SNAP25: variants seen among roughly 807,000 people sequenced by gnomAD.
SNAP25 encodes synaptosomal-associated protein 25.
In SNAP25, 3 loss-of-function variants were observed where a neutral mutation model predicts 28.7. The observed-to-expected ratio is 0.10, with a 90% CI of 0.05 to 0.27. SNAP25 has a LOEUF of 0.27. SNAP25 is among the 10% of genes least tolerant of loss of function. The probability of loss-of-function intolerance (pLI) is 1.00; values close to 1 mark genes in which losing one functional copy is unlikely to be tolerated. For missense variants in SNAP25, 117 were observed against 278.7 expected, an observed-to-expected ratio of 0.42 and a Z score of 4.13; for synonymous variants, 61 against 88.1, an observed-to-expected ratio of 0.69 and a Z score of 1.72.
intron 2 of SNAP25, 66 bp downstream of exon 2, chr20:10,275,629 T>C: frequency 7.5e-7 from 1 of 1,341,470 alleles, no homozygotes. Flanking sequence ...CTTATTCAGG[T>C]TCAGGTAGGG....
chr20:10,261,393 T>C (rs2063412238), intron 1 of SNAP25, among the ~76,000 whole-genome samples: 1 of 152,182 alleles, frequency 6.6e-6, no homozygotes, highest in East Asian at 1.9e-4. Context: ...ACTCAGAGCC[T>C]CTCTTTGCCA....
chr20:10,223,359 A>G (rs978632313), intron 1 of SNAP25, among the ~76,000 whole-genome samples: 2 of 152,212 alleles, frequency 1.3e-5, no homozygotes, highest in Non-Finnish European at 2.9e-5. Context: ...CAGTGGGTTC[A>G]TGTAGAGGAA....
At chr20:10,266,214 C>T (rs2063503546) in intron 1 of SNAP25, among the ~76,000 whole-genome samples, 1 of 152,120 alleles carries the variant, frequency 6.6e-6, no homozygotes, top group African/African-American at 2.4e-5. Flanking sequence ...TTTCACTCAC[C>T]CTTTCAATGA....
At chr20:10,286,542 CTAG>C (rs2123076667) in intron 4 of SNAP25, among the ~76,000 whole-genome samples, 1 of 152,242 alleles carries the variant, frequency 6.6e-6, no homozygotes, top group Non-Finnish European at 1.5e-5. Context: ...TGTTCTAGCA[CTAG>C]TAGCCCATTG....
At chr20:10,288,151 A>C (rs2063921914) in intron 4 of SNAP25, among the ~76,000 whole-genome samples, 2 of 152,072 alleles carry the variant, frequency 1.3e-5, no homozygotes, top group African/African-American at 4.8e-5. Flanking sequence ...CTAAAACTTA[A>C]AGTATAATAA....
chr20:10,295,542 A>T (rs534931747), intron 5 of SNAP25, among the ~76,000 whole-genome samples: 1 of 152,188 alleles, frequency 6.6e-6, no homozygotes, highest in Non-Finnish European at 1.5e-5. Flanking sequence ...TGATTGTGGG[A>T]GTTGCTGAAA....
intron 1 of SNAP25, among the ~76,000 whole-genome samples, chr20:10,222,824 C>A (rs1000878985): frequency 6.6e-6 from 1 of 152,170 alleles, no homozygotes; most frequent in East Asian, 1.9e-4. Flanking sequence ...CCTACATAGA[C>A]ATATAATTCC....
intron 1 of SNAP25, among the ~76,000 whole-genome samples, chr20:10,267,847 G>A (rs866827962): frequency 2.6e-5 from 4 of 152,152 alleles, no homozygotes; most frequent in African/African-American, 9.7e-5. Flanking sequence ...ACCGTGCCCG[G>A]CCAATAGTCT....
At chr20:10,265,140 T>C (rs2063485939) in intron 1 of SNAP25, among the ~76,000 whole-genome samples, 1 of 152,110 alleles carries the variant, frequency 6.6e-6, no homozygotes, top group Non-Finnish European at 1.5e-5. Flanking sequence ...AAGTAGGAAA[T>C]AGTTTAAAAC....
chr20:10,297,845 G>C (rs2064147217), intron 6 of SNAP25, among the ~76,000 whole-genome samples: 1 of 152,190 alleles, frequency 6.6e-6, no homozygotes, highest in Non-Finnish European at 1.5e-5. Context: ...ACAGAGCAAA[G>C]AAGGTCCAAG....
chr20:10,231,568 C>G (rs1396402176), intron 1 of SNAP25: 4 of 152,202 alleles, frequency 2.6e-5, no homozygotes, highest in Non-Finnish European at 2.9e-5. Flanking sequence ...CAGGAATTCT[C>G]TCAGTCTGTT....
intron 1 of SNAP25, among the ~76,000 whole-genome samples, chr20:10,222,145 AT>A (rs2062646016): frequency 6.6e-6 from 1 of 152,274 alleles, no homozygotes; most frequent in East Asian, 1.9e-4. Context: ...CATGGGAGTT[AT>A]AAAATTTCAT....
intron 1 of SNAP25, among the ~76,000 whole-genome samples, chr20:10,230,900 G>C (rs1014310807): frequency 6.6e-6 from 1 of 152,146 alleles, no homozygotes; most frequent in Non-Finnish European, 1.5e-5. Context: ...GAGGACAAGT[G>C]TGTGGGATGG....
At chr20:10,297,273 T>C (rs189570171) in intron 6 of SNAP25, among the ~76,000 whole-genome samples, 1 of 152,334 alleles carries the variant, frequency 6.6e-6, no homozygotes, top group East Asian at 1.9e-4. Context: ...GTGGGGCATG[T>C]CTGTTCTTCT....
intron 1 of SNAP25, among the ~76,000 whole-genome samples, chr20:10,266,629 G>T (rs577232314): frequency 4.6e-5 from 7 of 152,278 alleles, no homozygotes; most frequent in Admixed American, 2.0e-4. Context: ...TTTGATCAAG[G>T]TTGTGCAATA....
chr20:10,300,305 T>A lies in SNAP25; in HGVS notation c.552+893T>A, dbSNP rs2064204883. On this transcript the variant is annotated intron_variant, in intron 7 of 7. Transcript: ENST00000254976. ...CTACAACACAGAACTCCGACATAAT[T>A]TATATTTCCATGTTTCATGCCCTTT... 2.0e-5 allele frequency among the ~76,000 whole-genome samples: 3 copies of A among 152,152 alleles called. No individual in the cohort carries two copies. The South Asian group carries it at 6.2e-4, about 32-fold the overall frequency.
chr20:10,256,257 C>T (rs1414737840), intron 1 of SNAP25, among the ~76,000 whole-genome samples: 3 of 152,158 alleles, frequency 2.0e-5, no homozygotes, highest in African/African-American at 7.2e-5. Flanking sequence ...AGTCTATCCG[C>T]TATTACGAAG....
chr20:10,284,818 TG>T, intron 4 of SNAP25, 46 bp downstream of exon 4: 2 of 1,496,738 alleles, frequency 1.3e-6, no homozygotes, highest in South Asian at 1.1e-5. Context: ...TTCTGAATAA[TG>T]TGCATTTTAA....
At chr20:10,269,269 C>T (rs1234188217) in intron 1 of SNAP25, among the ~76,000 whole-genome samples, 1 of 152,064 alleles carries the variant, frequency 6.6e-6, no homozygotes, top group East Asian at 1.9e-4. Context: ...ACTAGCCAGA[C>T]ATGGTGTGCA....
Sources: allele counts gnomAD v4.1 joint callset (sites outside exome capture counted in the v4.1 genomes callset), GRCh38; gene constraint gnomAD v4.1.1; transcripts MANE v1.5; gene names NCBI Gene and HGNC (gene_info 2026-07-23, HGNC 2026-07-21).